Variants in ZNF148 observed in about 807,000 individuals in gnomAD.
ZNF148 encodes the protein Beta-Enolase Repressor Factor-1.
In ZNF148, 7 loss-of-function variants were observed where a neutral mutation model predicts 67.7. The ratio of observed to expected loss-of-function variants is 0.10; its 90% CI spans 0.06 to 0.19. The LOEUF (loss-of-function observed/expected upper bound fraction) is 0.19, where lower values mean the gene tolerates loss of function less well. Among genes scored for constraint, ZNF148 ranks in the 10% least tolerant of loss-of-function variants. The probability of loss-of-function intolerance (pLI) is 1.00; values close to 1 mark genes in which losing one functional copy is unlikely to be tolerated. For missense variants in ZNF148, 583 were observed against 947.1 expected, an observed-to-expected ratio of 0.62 and a Z score of 5.05; for synonymous variants, 333 against 330.7, an observed-to-expected ratio of 1.01 and a Z score of -0.08.
chr3:125,263,825 A>T (rs1346660275), intron 7 of ZNF148, among the ~76,000 whole-genome samples: 1 of 151,954 alleles, frequency 6.6e-6, no homozygotes, highest in Non-Finnish European at 1.5e-5. Flanking sequence ...TCTTTCTGGG[A>T]CCCTAGATAG....
At chr3:125,268,166 C>G (rs907307127) in intron 7 of ZNF148, among the ~76,000 whole-genome samples, 1 of 151,226 alleles carries the variant, frequency 6.6e-6, no homozygotes, top group African/African-American at 2.4e-5. Context: ...AGATTCACCA[C>G]CATTCCTATC....
At chr3:125,344,829 A>C in intron 1 of ZNF148, 1 of 337,948 alleles carries the variant, frequency 3.0e-6, no homozygotes, top group East Asian at 7.8e-5. Flanking sequence ...AGGACTGAGG[A>C]TGCAGGTGGC....
chr3:125,282,898 T>C (rs552482743), intron 5 of ZNF148, among the ~76,000 whole-genome samples: 140 of 152,312 alleles, frequency 9.2e-4, no homozygotes, highest in Non-Finnish European at 1.7e-3. Flanking sequence ...AAGGCAGACA[T>C]GATTTTTCAC....
chr3:125,356,958 A>G (rs1942363080), intron 1 of ZNF148: 1 of 152,266 alleles, frequency 6.6e-6, no homozygotes, highest in African/African-American at 2.4e-5. Context: ...CTGTCTAGTA[A>G]AGCAAGTTAC....
chr3:125,302,490 A>G (rs1035674553), intron 4 of ZNF148, among the ~76,000 whole-genome samples: 1 of 152,246 alleles, frequency 6.6e-6, no homozygotes, highest in African/African-American at 2.4e-5. Context: ...AGTAAGGGAT[A>G]GAATTTCTCA....
At position 125,232,642 on chromosome 3, in the gene ZNF148, T is replaced by C. The variant is rs769288848; in HGVS notation, c.2084A>G (p.Asn695Ser). Residue 695 changes from asparagine (N) to serine (S), a missense_variant, in exon 9 of 9, where the codon AAC (asparagine) becomes AGC (serine). Around this residue, in one of 5 missense-constraint regions of ZNF148, gnomAD observed 158 missense variants for 208.4 expected, o/e 0.76. Transcript: ENST00000360647. The surrounding 1 kb of genome is among the most constrained non-coding windows in gnomAD (Gnocchi z 4.2). The stretch of plus-strand genomic sequence containing the variant: ...CTGTGTTGATGTGGCAGAAGCATGG[T>C]TTGTCTCATCACCTGAAAAGGGAAA... ...HSFPFSGDETNHASATSTQDF... is the reference protein window; with the variant it reads ...HSFPFSGDETSHASATSTQDF... 29 of 1,613,822 alleles carry C rather than the reference T, an allele frequency of 1.8e-5. No individual in the cohort carries two copies. The highest frequency in any genetic ancestry group is 2.3e-5 in the Non-Finnish European group (27 of 1,179,794).
At position 125,267,804 on chromosome 3, in the gene ZNF148, C is replaced by T. The variant is rs1054610683; in HGVS notation, c.667+9922G>A. Among the ~76,000 whole-genome samples the T allele has an allele frequency of 5.3e-5, 8 of 152,214 alleles. No individual in the cohort carries two copies. In the East Asian group the frequency reaches 1.5e-3, roughly 29 times the overall value. ...ACTCAAATTATCTCTCTTTGCTGAC[C>T]ATATGATTCAGTATCTAGAAAGCCC... On this transcript the variant is annotated intron_variant, in intron 7 of 8. Coordinates refer to ENST00000360647, the MANE Select transcript of ZNF148 (RefSeq NM_021964.3).
intron 4 of ZNF148, among the ~76,000 whole-genome samples, chr3:125,293,006 A>T (rs1216370583): frequency 6.6e-6 from 1 of 152,194 alleles, no homozygotes; most frequent in African/African-American, 2.4e-5. Flanking sequence ...TTCTCACTAA[A>T]TTTTTTGTTT....
chr3:125,338,788 C>G (rs1343440075), intron 1 of ZNF148: 1 of 151,418 alleles, frequency 6.6e-6, no homozygotes, highest in Non-Finnish European at 1.5e-5. Context: ...AAAAGCCATA[C>G]TCCATTTCCA....
chr3:125,334,552 A>C (rs1471968486), intron 1 of ZNF148, among the ~76,000 whole-genome samples: 1 of 152,212 alleles, frequency 6.6e-6, no homozygotes, highest in African/African-American at 2.4e-5. Context: ...GTAAGCAATG[A>C]ATATATGCTT....
intron 1 of ZNF148, among the ~76,000 whole-genome samples, chr3:125,343,696 G>A (rs1941827395): frequency 6.6e-6 from 1 of 152,154 alleles, no homozygotes; most frequent in South Asian, 2.1e-4. Flanking sequence ...ACGCCAGCCA[G>A]CAGCAGCAAT....
intron 5 of ZNF148, 95 bp from the exon 6 acceptor site, chr3:125,279,342 C>A: frequency 1.0e-6 from 1 of 973,766 alleles, no homozygotes; most frequent in Non-Finnish European, 1.4e-6. Flanking sequence ...AAACAACGGT[C>A]ACCACAGATT....
intron 1 of ZNF148, among the ~76,000 whole-genome samples, chr3:125,352,403 T>C (rs1043979918): frequency 6.6e-6 from 1 of 152,130 alleles, no homozygotes; most frequent in African/African-American, 2.4e-5. Flanking sequence ...GGAATGGAAA[T>C]TGACTGCTAA....
intron 1 of ZNF148, among the ~76,000 whole-genome samples, chr3:125,347,639 C>T (rs1447919485): frequency 2.0e-5 from 3 of 151,456 alleles, no homozygotes; most frequent in Admixed American, 6.6e-5. Flanking sequence ...ACGATCTCAG[C>T]TCACTGCAAA....
chr3:125,368,240 A>C (rs1443088938), intron 1 of ZNF148, among the ~76,000 whole-genome samples: 1 of 152,240 alleles, frequency 6.6e-6, no homozygotes, highest in Non-Finnish European at 1.5e-5. Flanking sequence ...TCATCTGAGA[A>C]AAATGAGTTT....
chr3:125,336,150 G>A (rs1941481149), intron 1 of ZNF148, among the ~76,000 whole-genome samples: 1 of 152,268 alleles, frequency 6.6e-6, no homozygotes, highest in South Asian at 2.1e-4. Context: ...CACATTAACT[G>A]TTTATGCTCC....
chr3:125,315,592 C>G (rs1559750385), intron 3 of ZNF148, among the ~76,000 whole-genome samples: 1 of 151,332 alleles, frequency 6.6e-6, no homozygotes, highest in African/African-American at 2.4e-5. Context: ...GCCTGTAGTC[C>G]CAGCTACTCA....
At chr3:125,241,718 T>C (rs1232716413) in intron 7 of ZNF148, among the ~76,000 whole-genome samples, 3 of 152,242 alleles carry the variant, frequency 2.0e-5, no homozygotes, top group African/African-American at 7.2e-5. Flanking sequence ...ACTGGATAAC[T>C]TGTAAATGTA....
intron 1 of ZNF148, among the ~76,000 whole-genome samples, chr3:125,365,381 C>T (rs773893993): frequency 4.6e-5 from 7 of 152,288 alleles, no homozygotes; most frequent in East Asian, 1.9e-4. Flanking sequence ...CCACAGTCCA[C>T]GTATTTAGTT....
Sources: allele counts gnomAD v4.1 joint callset (sites outside exome capture counted in the v4.1 genomes callset), GRCh38; gene constraint gnomAD v4.1.1; regional missense constraint gnomAD v4.1.1; non-coding constraint Gnocchi (gnomAD v3.1); transcripts MANE v1.5; gene names NCBI Gene and HGNC (gene_info 2026-07-23, HGNC 2026-07-21).